Variants in ADK observed in about 807,000 individuals in gnomAD.
ADK encodes adenosine kinase, also known as N6,N6-dimethyladenosine kinase.
Under a neutral mutation model 44.7 loss-of-function variants are expected in ADK, and 24 were observed. The observed-to-expected ratio is 0.54, with a 90% CI of 0.39 to 0.76. The LOEUF is 0.76. Among genes scored for constraint, ADK ranks in the 30% least tolerant of loss-of-function variants. The pLI is 0.00. For synonymous variants in ADK, 128 were observed against 142.6 expected (o/e 0.90, Z 0.73); for missense variants, 321 against 425.1 (o/e 0.76, Z 2.15).
At chr10:74,308,383 TAAAA>T (rs1481359286) in intron 3 of ADK, among the ~76,000 whole-genome samples, 2 of 152,216 alleles carry the variant, frequency 1.3e-5, no homozygotes, top group Non-Finnish European at 2.9e-5. Context: ...TTCCGTCTTT[TAAAA>T]AGATGCTTAA....
At chr10:74,206,625 A>C (rs1474154033) in intron 2 of ADK, among the ~76,000 whole-genome samples, 1 of 152,232 alleles carries the variant, frequency 6.6e-6, no homozygotes, top group Non-Finnish European at 1.5e-5. Flanking sequence ...TAGCTTTCAC[A>C]CATATATAAT....
chr10:74,161,708 T>G (rs192274372), intron 1 of ADK, among the ~76,000 whole-genome samples: 9 of 151,574 alleles, frequency 5.9e-5, no homozygotes, highest in Middle Eastern at 3.4e-3. Context: ...CACTTTTTTT[T>G]TTTGTTTTTT....
At chr10:74,217,230 C>T (rs915802053) in intron 2 of ADK, among the ~76,000 whole-genome samples, 4 of 152,262 alleles carry the variant, frequency 2.6e-5, no homozygotes, top group African/African-American at 9.6e-5. Context: ...CTGCACCTGG[C>T]TCGGAGGGTC....
intron 6 of ADK, among the ~76,000 whole-genome samples, chr10:74,426,163 T>C (rs1483310773): frequency 1.3e-5 from 2 of 152,202 alleles, no homozygotes; most frequent in African/African-American, 4.8e-5. Context: ...TTTTTGTTAA[T>C]ATATAATGAA....
intron 4 of ADK, among the ~76,000 whole-genome samples, chr10:74,378,992 T>G (rs1036696168): frequency 1.3e-5 from 2 of 151,854 alleles, no homozygotes; most frequent in African/African-American, 4.8e-5. Context: ...TTCAGAGTGG[T>G]TGGAGCAGAG....
At chr10:74,258,273 G>A (rs532161810) in intron 3 of ADK, among the ~76,000 whole-genome samples, 1 of 152,038 alleles carries the variant, frequency 6.6e-6, no homozygotes, top group East Asian at 1.9e-4. Flanking sequence ...GTAATTTCTT[G>A]GAAAATCTAG....
intron 4 of ADK, among the ~76,000 whole-genome samples, chr10:74,378,055 T>C (rs1842867500): frequency 6.6e-6 from 1 of 151,734 alleles, no homozygotes; most frequent in African/African-American, 2.4e-5. Context: ...GCCTCAGTTT[T>C]TTTTTTTTTT....
intron 3 of ADK, among the ~76,000 whole-genome samples, chr10:74,225,468 T>C (rs1402833750): frequency 6.6e-6 from 1 of 152,220 alleles, no homozygotes; most frequent in Admixed American, 6.5e-5. Flanking sequence ...GACAGTAATT[T>C]TTTTTCGTAG....
intron 3 of ADK, among the ~76,000 whole-genome samples, chr10:74,256,178 C>T (rs1845816264): frequency 6.6e-6 from 1 of 152,194 alleles, no homozygotes; most frequent in Admixed American, 6.5e-5. Flanking sequence ...AGTTTTGTCT[C>T]CCTTGGAGCA....
intron 10 of ADK, among the ~76,000 whole-genome samples, chr10:74,685,075 C>T (rs978506598): frequency 1.2e-4 from 19 of 152,086 alleles, no homozygotes; most frequent in Non-Finnish European, 4.4e-5. Flanking sequence ...TGAACACTAC[C>T]TGACCTCTTC....
intron 4 of ADK, among the ~76,000 whole-genome samples, chr10:74,349,631 A>G (rs907487120): frequency 2.6e-5 from 4 of 152,198 alleles, no homozygotes; most frequent in Non-Finnish European, 5.9e-5. Context: ...AATTGGATGA[A>G]GAGTCAAGAT....
chr10:74,674,093 T>G (rs1248599516), intron 10 of ADK, among the ~76,000 whole-genome samples: 2 of 152,170 alleles, frequency 1.3e-5, no homozygotes, highest in African/African-American at 4.8e-5. Flanking sequence ...AACAAGGATG[T>G]AAGTTCTCAC....
At chr10:74,510,294 T>G (rs1848254334) in intron 6 of ADK, among the ~76,000 whole-genome samples, 1 of 152,226 alleles carries the variant, frequency 6.6e-6, no homozygotes, top group Admixed American at 6.5e-5. Context: ...GGTTTTGATC[T>G]GCATTTCTCT....
chr10:74,560,238 C>T lies in ADK; in HGVS notation c.727-29044C>T, dbSNP rs113851423. On this transcript the variant is annotated intron_variant, in intron 7 of 10. Coordinates refer to ENST00000539909, the MANE Select transcript of ADK (RefSeq NM_006721.4). ...CCAGCCTGTCTGTTGATTTTATTTT[C>T]GGTGCTTTTTTTGTATATGGAACTT... Among the ~76,000 whole-genome samples, 441 of 152,168 alleles carry T rather than the reference C, an allele frequency of 2.9e-3. 4 individuals carry two copies. Among genetic ancestry groups the T allele is most frequent in the African/African-American group, 0.01 (419 of 41,560 alleles).
intron 6 of ADK, chr10:74,506,350 C>T: frequency 3.8e-6 from 1 of 260,530 alleles, no homozygotes; most frequent in Non-Finnish European, 7.6e-6. Context: ...AGCAAGTCAG[C>T]TTTTTTTTGT....
rs1017398983 is a variant in ADK at position 74,321,146 on chromosome 10, G to A, written c.273+6401G>A. On this transcript the variant is annotated intron_variant, in intron 4 of 10. Transcript: ENST00000539909. ...GTATTTTTAAATTTATTTTAAAAAT[G>A]CCATCTTGGGGTATATTCTAGGCAT... is the stretch of plus-strand genomic sequence containing the variant. Among the ~76,000 whole-genome samples the A allele has an allele frequency of 1.1e-3, 171 of 152,182 alleles. 2 individuals carry two copies. Among genetic ancestry groups the A allele is most frequent in the Non-Finnish European group, 1.8e-4 (12 of 67,994 alleles).
intron 3 of ADK, among the ~76,000 whole-genome samples, chr10:74,259,914 C>T (rs1250406672): frequency 6.6e-6 from 1 of 151,928 alleles, no homozygotes; most frequent in East Asian, 1.9e-4. Flanking sequence ...TCTTGTATTC[C>T]TTTATAAGAA....
intron 9 of ADK, among the ~76,000 whole-genome samples, chr10:74,609,351 C>T (rs1355394853): frequency 6.6e-6 from 1 of 152,134 alleles, no homozygotes; most frequent in African/African-American, 2.4e-5. Context: ...TGCTTGAAAC[C>T]CAGGGCCCTG....
chr10:74,595,212 T>G (rs1437564919), intron 8 of ADK, among the ~76,000 whole-genome samples: 2 of 150,256 alleles, frequency 1.3e-5, no homozygotes, highest in Non-Finnish European at 3.0e-5. Context: ...CTATGACTTT[T>G]TCAAAGTCAT....
Sources: gnomAD v4.1 joint callset for allele counts (sites outside exome capture counted in the v4.1 genomes callset) on GRCh38, gnomAD v4.1.1 for gene constraint, MANE v1.5 for transcripts, NCBI Gene and HGNC (gene_info 2026-07-23, HGNC 2026-07-21) for gene names.